ZFC3H1: variants seen among roughly 807,000 people sequenced by gnomAD.
ZFC3H1 encodes the protein zinc finger C3H1-type containing.
Under a neutral mutation model 243.7 loss-of-function variants are expected in ZFC3H1, and 71 were observed. The ratio of observed to expected loss-of-function variants is 0.29; its 90% CI spans 0.24 to 0.36. The LOEUF is 0.36. ZFC3H1 is among the 10% of genes least tolerant of loss of function. The probability of loss-of-function intolerance (pLI) is 1.00; values close to 1 mark genes in which losing one functional copy is unlikely to be tolerated. For missense variants in ZFC3H1, 1,966 were observed against 2,317.1 expected, an observed-to-expected ratio of 0.85 and a Z score of 3.11; for synonymous variants, 838 against 813.0, an observed-to-expected ratio of 1.03 and a Z score of -0.52.
intron 4 of ZFC3H1, 53 bp from the exon 5 acceptor site, chr12:71,644,371 A>G (rs1030376959): frequency 1.9e-6 from 3 of 1,543,534 alleles, no homozygotes; most frequent in Admixed American, 4.1e-5. Context: ...TAAAAGAAAA[A>G]TAAGAGTCTT....
In ZFC3H1 at chr12:71,611,797, G is replaced by A; in HGVS notation, c.5718C>T (p.Ala1906=). The change falls in exon 32 of 35, where the codon GCC becomes GCT. Residue 1906 remains alanine, a synonymous_variant. Transcript: ENST00000378743. ...MFTYNIPTCL[A]TWKIAIAAEI... ...GATTGTTGCATTACATTTTCCAGGT[G>A]GCCAGGCATGTTGGGATATTATATG... 1 of 1,606,360 alleles carries A rather than the reference G, an allele frequency of 6.2e-7. No individual in the cohort carries two copies. Among genetic ancestry groups the A allele is most frequent in the Non-Finnish European group, 8.5e-7 (1 of 1,175,058 alleles).
At chr12:71,629,077 GTTTT>G in intron 19 of ZFC3H1, 40 bp from the exon 20 acceptor site, 2 of 1,351,080 alleles carry the variant, frequency 1.5e-6, no homozygotes, top group Non-Finnish European at 2.0e-6. Context: ...GATATAACTA[GTTTT>G]TTTTTTAACA....
At chr12:71,642,341 T>G (rs1592597189) in intron 6 of ZFC3H1, 95 bp downstream of exon 6, 2 of 1,372,770 alleles carry the variant, frequency 1.5e-6, no homozygotes, top group Admixed American at 4.8e-5. Context: ...AATCTCACTT[T>G]CATTACACAT....
chr12:71,656,928 T>C lies in ZFC3H1; in HGVS notation c.972A>G (p.Ala324=). The C allele has an allele frequency of 1.2e-6, 2 of 1,613,654 alleles. No individual in the cohort carries two copies. Among genetic ancestry groups the C allele is most frequent in the South Asian group, 1.1e-5 (1 of 90,990 alleles). The stretch of plus-strand genomic sequence containing the variant: ...TGTCGGATTTCAGGGAAAGTGGTTT[T>C]GCTCCATCTTTAACTTTTTTCAAAC... ...KNRLKKVKDG[A]KPLSLKSDTT... is the part of the protein sequence containing the mutation. Residue 324 remains alanine (A), a synonymous_variant, in exon 2 of 35, where the codon GCA becomes GCG. Coordinates refer to ENST00000378743, the MANE Select transcript of ZFC3H1 (RefSeq NM_144982.5).
At position 71,614,918 on chromosome 12, in the gene ZFC3H1, G is replaced by A; in HGVS notation, c.5276C>T (p.Ser1759Leu). The A allele has an allele frequency of 6.2e-7, 1 of 1,613,160 alleles. No individual in the cohort carries two copies. The highest frequency in any genetic ancestry group is 8.5e-7 in the Non-Finnish European group (1 of 1,179,328). The change falls in exon 29 of 35, where the codon TCA (serine) becomes TTA (leucine). Residue 1759 changes from serine to leucine, a missense_variant. Coordinates refer to ENST00000378743, the MANE Select transcript of ZFC3H1 (RefSeq NM_144982.5). ...LIYCLCHPLQ[S>L]SIKETVEAYE... is the part of the protein sequence containing the mutation. ...TGCCTCCACTGTTTCTTTAATACTT[G>A]ATTGAAGAGGATGACAAAGGCTGTT...
chr12:71,643,045 T>G (rs1350868051), intron 5 of ZFC3H1, among the ~76,000 whole-genome samples: 1 of 152,228 alleles, frequency 6.6e-6, no homozygotes, highest in East Asian at 1.9e-4. Context: ...GTTGTTTTCT[T>G]GTCTACTTCT....
chr12:71,631,932 G>T, intron 15 of ZFC3H1, 40 bp downstream of exon 15: 1 of 1,604,970 alleles, frequency 6.2e-7, no homozygotes, highest in Non-Finnish European at 8.5e-7. Flanking sequence ...AAGGCTGGGT[G>T]AATTCCAGAT....
Position 71,630,613 on chromosome 12 carries a change from A to G in ZFC3H1, c.3711T>C (p.Ile1237=). 1 of 1,605,020 alleles carries G rather than the reference A, an allele frequency of 6.2e-7. No individual in the cohort carries two copies. The highest frequency in any genetic ancestry group is 8.5e-7 in the Non-Finnish European group (1 of 1,177,572). ...GTCTTTAAAAACCTGCTGAAGCAGT[A>G]ATTTCTTCATTAGTACTTGTCTCTG... ...GCAETSTNEE[I]TASAEKYVEK... is the part of the protein sequence containing the mutation. Residue 1237 remains isoleucine, a synonymous_variant, in exon 18 of 35, where the codon ATT becomes ATC. Coordinates refer to ENST00000378743, the MANE Select transcript of ZFC3H1 (RefSeq NM_144982.5).
At chr12:71,618,450 T>TA (rs557613911) in intron 27 of ZFC3H1, among the ~76,000 whole-genome samples, 30 of 152,252 alleles carry the variant, frequency 2.0e-4, no homozygotes, top group Admixed American at 1.9e-3. Flanking sequence ...TACAAAATAA[T>TA]AGAGTATGTT....
chr12:71,660,314 C>T (rs879409950), intron 1 of ZFC3H1: 1 of 152,170 alleles, frequency 6.6e-6, no homozygotes, highest in African/African-American at 2.4e-5. Context: ...CTGGGAACTA[C>T]GTTTTCCTTC....
At position 71,632,227 on chromosome 12, in the gene ZFC3H1, A is replaced by C; in HGVS notation, c.3105T>G (p.Ile1035Met). The change falls in exon 15 of 35, where the codon ATT becomes ATG. Residue 1035 changes from isoleucine to methionine, a missense_variant. Physicochemically the swap from Ile to Met is conservative, Grantham distance 10 (BLOSUM62 1). Around this residue, in one of 4 missense-constraint regions of ZFC3H1, gnomAD observed 1,383 missense variants for 1,723.7 expected, o/e 0.80. Coordinates refer to ENST00000378743, the MANE Select transcript of ZFC3H1 (RefSeq NM_144982.5). ...DTEENDVDDE[I>M]LSGSSRERRR... ...TTCGCTCTCTGCTTGAACCAGACAAAATTTCATCATCAACATCATTTTCTT... is the reference window on the plus strand; with the variant it reads ...TTCGCTCTCTGCTTGAACCAGACAACATTTCATCATCAACATCATTTTCTT... 6.2e-7 allele frequency: 1 copy of C among 1,610,910 alleles called. No individual in the cohort carries two copies.
At chr12:71,634,853 A>G in intron 10 of ZFC3H1, 28 bp from the exon 11 acceptor site, 1 of 1,575,018 alleles carries the variant, frequency 6.3e-7, no homozygotes, top group Non-Finnish European at 8.5e-7. Flanking sequence ...TTTGAAGTCA[A>G]CTAGATCATC....
In ZFC3H1 at chr12:71,619,305, T is replaced by C; in HGVS notation, c.5144+10A>G. 1 of 1,612,094 alleles carries C rather than the reference T, an allele frequency of 6.2e-7. No homozygotes were observed. Among genetic ancestry groups the C allele is most frequent in the Non-Finnish European group, 8.5e-7 (1 of 1,178,734 alleles). On this transcript the variant is annotated intron_variant, in intron 27 of 34. Transcript: ENST00000378743. ...TCATTCCTCTACAAACTAAGAATTC[T>C]ACAACTTACCGAAACAGATCCAAGT...
Position 71,629,632 on chromosome 12 carries a change from T to C in ZFC3H1, c.3803A>G (p.Asn1268Ser), listed in dbSNP as rs997280839. The C allele has an allele frequency of 6.2e-7, 1 of 1,612,354 alleles. No homozygotes were observed. The highest frequency in any genetic ancestry group is 8.5e-7 in the Non-Finnish European group (1 of 1,179,124). ...MDQMAVLLVS[N>S]INESKGHTPP... ...ACTATGACCTTTACTTTCATTGATA[T>C]TGCTAACAAGGAGAACAGCCATCTG... Residue 1268 changes from asparagine to serine, a missense_variant, in exon 19 of 35, where the codon AAT becomes AGT. By Grantham distance (46) the Asn-to-Ser change is conservative. Coordinates refer to ENST00000378743, the MANE Select transcript of ZFC3H1 (RefSeq NM_144982.5).
intron 9 of ZFC3H1, among the ~76,000 whole-genome samples, chr12:71,636,018 C>T (rs1880449603): frequency 6.6e-6 from 1 of 152,056 alleles, no homozygotes; most frequent in South Asian, 2.1e-4. Flanking sequence ...GAAGCCATTA[C>T]AAAACAAGGT....
chr12:71,660,486 G>A (rs1199409644), intron 1 of ZFC3H1: 1 of 150,010 alleles, frequency 6.7e-6, no homozygotes, highest in Admixed American at 6.7e-5. Flanking sequence ...GGAAATCAAA[G>A]TCACACAAGC....
chr12:71,625,146 T>C (rs1182303008), intron 22 of ZFC3H1, among the ~76,000 whole-genome samples: 3 of 152,148 alleles, frequency 2.0e-5, no homozygotes, highest in Admixed American at 1.3e-4. Flanking sequence ...TGCTTTACTA[T>C]CCAAATCTGT....
chr12:71,642,965 T>C (rs545543797), intron 5 of ZFC3H1, among the ~76,000 whole-genome samples: 1 of 152,300 alleles, frequency 6.6e-6, no homozygotes, highest in East Asian at 1.9e-4. Context: ...TTCAAAAACA[T>C]TTTAATTATA....
intron 1 of ZFC3H1, among the ~76,000 whole-genome samples, chr12:71,659,507 A>C (rs2137566529): frequency 6.6e-6 from 1 of 152,222 alleles, no homozygotes. Context: ...CACTCTTTGT[A>C]TGTAAGTTCT....
Sources: allele counts gnomAD v4.1 joint callset (sites outside exome capture counted in the v4.1 genomes callset), GRCh38; gene constraint gnomAD v4.1.1; regional missense constraint gnomAD v4.1.1; transcripts MANE v1.5; gene names NCBI Gene and HGNC (gene_info 2026-07-23, HGNC 2026-07-21).